WDR17: variants seen among roughly 807,000 people sequenced by gnomAD.
The protein encoded by WDR17 is WD repeat-containing protein 17.
Under a neutral mutation model 161.7 loss-of-function variants are expected in WDR17, and 143 were observed. The observed-to-expected ratio is 0.88, with a 90% CI of 0.77 to 1.02. The LOEUF (loss-of-function observed/expected upper bound fraction) is 1.02, where lower values mean the gene tolerates loss of function less well. Among genes scored for constraint, WDR17 ranks in the 50% least tolerant of loss-of-function variants. The pLI is 0.00. For missense variants in WDR17, 1,469 were observed against 1,520.9 expected (o/e 0.97, Z 0.57); for synonymous variants, 517 against 515.6 (o/e 1.00, Z -0.04).
At chr4:176,130,481 A>G (rs1325680432) in intron 6 of WDR17, among the ~76,000 whole-genome samples, 1 of 152,120 alleles carries the variant, frequency 6.6e-6, no homozygotes, top group African/African-American at 2.4e-5. Flanking sequence ...GCGGTGGCTC[A>G]TGCCTGTAAT....
intron 11 of WDR17, among the ~76,000 whole-genome samples, 185 bp downstream of exon 11, chr4:176,142,254 G>A (rs1374054224): frequency 2.0e-5 from 3 of 152,064 alleles, no homozygotes; most frequent in Non-Finnish European, 4.4e-5. Flanking sequence ...ATTCCATGAA[G>A]TTTTTACATG....
At chr4:176,172,754 G>A (rs983093213) in intron 24 of WDR17, among the ~76,000 whole-genome samples, 11 of 152,128 alleles carry the variant, frequency 7.2e-5, no homozygotes, top group Admixed American at 5.9e-4. Flanking sequence ...ATGGCAGAAG[G>A]TGGTGCAGGA....
chr4:176,093,293 A>C (rs1014133255), intron 1 of WDR17, among the ~76,000 whole-genome samples: 3 of 152,172 alleles, frequency 2.0e-5, no homozygotes, highest in Non-Finnish European at 4.4e-5. Flanking sequence ...TGCAATCCCC[A>C]TCAAAATACC....
intron 11 of WDR17, among the ~76,000 whole-genome samples, chr4:176,144,574 A>G (rs751853373): frequency 4.6e-5 from 7 of 152,170 alleles, no homozygotes; most frequent in Non-Finnish European, 8.8e-5. Flanking sequence ...TAAAAGCTAG[A>G]TATTAATATA....
rs147795620 is a variant in WDR17 at position 176,114,331 on chromosome 4, C to T, written c.124-1465C>T. ...CTTCATTGGTTTTGGGTTATGTTTA[C>T]TAATGTTTTAATCCAAAGTTGTCCA... On this transcript the variant is annotated intron_variant, in intron 2 of 28. Coordinates refer to ENST00000508596, the MANE Select transcript of WDR17 (RefSeq NM_181265.4). Among the ~76,000 whole-genome samples the T allele has an allele frequency of 3.8e-3, 572 of 151,976 alleles. 3 individuals carry two copies. Among genetic ancestry groups the T allele is most frequent in the African/African-American group, 0.013 (536 of 41,488 alleles).
intron 1 of WDR17, among the ~76,000 whole-genome samples, chr4:176,109,135 A>G (rs1739293528): frequency 6.6e-6 from 1 of 152,190 alleles, no homozygotes; most frequent in Admixed American, 6.5e-5. Context: ...TTCTTTAATT[A>G]TGTTTCTTTT....
chr4:176,095,841 G>A (rs17624517), intron 1 of WDR17, among the ~76,000 whole-genome samples: 55,645 of 151,808 alleles, frequency 0.37, 10,469 homozygotes, highest in East Asian at 0.43. Context: ...CTCCAGTGTA[G>A]GAAGAAATAT....
At position 176,177,550 on chromosome 4, in the gene WDR17, GA is replaced by G. The variant is rs747239347; in HGVS notation, c.3630del (p.Glu1211SerfsTer3). On this transcript the variant is annotated frameshift_variant, in exon 28 of 29. Coordinates refer to ENST00000508596, the MANE Select transcript of WDR17 (RefSeq NM_181265.4). LOFTEE classifies it high-confidence loss of function. ...IYATLLKRLK[E>X]ESLKGIIGPD... ...TGCAACTTTATTAAAGAGACTAAAA[GA>G]AGAGTCACTGAAAGGAATTATTGGA... is the stretch of plus-strand genomic sequence containing the variant. 4 of 1,601,606 alleles carry G rather than the reference GA, an allele frequency of 2.5e-6. No homozygotes were observed. Among genetic ancestry groups the G allele is most frequent in the Non-Finnish European group, 3.4e-6 (4 of 1,176,916 alleles).
At chr4:176,150,304 A>G in intron 15 of WDR17, 131 bp downstream of exon 15, 3 of 1,460,274 alleles carry the variant, frequency 2.1e-6, no homozygotes, top group South Asian at 2.8e-5. Context: ...TCTGTGCACT[A>G]TAAGAAAGCA....
chr4:176,166,948 A>G (rs1749864408), intron 22 of WDR17, among the ~76,000 whole-genome samples: 2 of 152,192 alleles, frequency 1.3e-5, no homozygotes, highest in African/African-American at 4.8e-5. Context: ...ATTTATTAGT[A>G]AAATGATGAG....
intron 1 of WDR17, among the ~76,000 whole-genome samples, chr4:176,087,850 A>G (rs1447779394): frequency 6.7e-6 from 1 of 150,326 alleles, no homozygotes; most frequent in African/African-American, 2.5e-5. Flanking sequence ...ATTTTAATCA[A>G]TTAATTTTTT....
At chr4:176,090,504 G>A (rs374328144) in intron 1 of WDR17, among the ~76,000 whole-genome samples, 1 of 152,100 alleles carries the variant, frequency 6.6e-6, no homozygotes, top group Non-Finnish European at 1.5e-5. Context: ...AAGACAGACA[G>A]GTCACATTAT....
At chr4:176,095,918 A>T (rs1029234596) in intron 1 of WDR17, among the ~76,000 whole-genome samples, 2 of 152,108 alleles carry the variant, frequency 1.3e-5, no homozygotes, top group African/African-American at 4.8e-5. Flanking sequence ...AATTACATTC[A>T]TGTGGTTTTG....
intron 1 of WDR17, among the ~76,000 whole-genome samples, chr4:176,106,403 G>A (rs577766279): frequency 1.3e-5 from 2 of 152,098 alleles, no homozygotes; most frequent in Non-Finnish European, 2.9e-5. Flanking sequence ...AACATATGGT[G>A]CTGGGAAAAC....
At chr4:176,119,577 A>G (rs1331696996) in intron 3 of WDR17, among the ~76,000 whole-genome samples, 1 of 152,202 alleles carries the variant, frequency 6.6e-6, no homozygotes, top group African/African-American at 2.4e-5. Context: ...AATCTTTAAT[A>G]TATAGTCTAC....
At chr4:176,167,664 A>AC (rs1554036554) in intron 22 of WDR17, among the ~76,000 whole-genome samples, 2 of 146,822 alleles carry the variant, frequency 1.4e-5, no homozygotes, top group Admixed American at 6.8e-5. Context: ...AAAAAAAAAA[A>AC]AAAAAAAACA....
At chr4:176,167,963 A>G (rs1301615782) in intron 22 of WDR17, among the ~76,000 whole-genome samples, 2 of 151,926 alleles carry the variant, frequency 1.3e-5, no homozygotes, top group Admixed American at 6.6e-5. Flanking sequence ...CCTGGCCAAC[A>G]TGGTGAAACC....
At chr4:176,103,858 G>A (rs1006438584) in intron 1 of WDR17, among the ~76,000 whole-genome samples, 2 of 151,748 alleles carry the variant, frequency 1.3e-5, no homozygotes, top group African/African-American at 4.8e-5. Flanking sequence ...AATATTTGAA[G>A]GAATAATGGC....
At chr4:176,123,736 T>G (rs1039084480) in intron 4 of WDR17, among the ~76,000 whole-genome samples, 3 of 152,166 alleles carry the variant, frequency 2.0e-5, no homozygotes, top group African/African-American at 4.8e-5. Flanking sequence ...AAATTCTGCT[T>G]CTTTTGGGTT....
Sources: allele counts gnomAD v4.1 joint callset (sites outside exome capture counted in the v4.1 genomes callset), GRCh38; gene constraint gnomAD v4.1.1; transcripts MANE v1.5; gene names NCBI Gene and HGNC (gene_info 2026-07-23, HGNC 2026-07-21).